The following DGKI variants were observed in gnomAD, a reference collection of about 807,000 sequenced individuals.
The protein encoded by DGKI is DAG kinase iota.
In DGKI, 55 loss-of-function variants were observed where a neutral mutation model predicts 147.5. The ratio of observed to expected loss-of-function variants is 0.37; its 90% CI spans 0.30 to 0.47. The LOEUF (loss-of-function observed/expected upper bound fraction) is 0.47. DGKI is among the 20% of genes least tolerant of loss of function. The probability of loss-of-function intolerance (pLI) is 1.00; values close to 1 mark genes in which losing one functional copy is unlikely to be tolerated. For synonymous variants in DGKI, 469 were observed against 477.1 expected, an observed-to-expected ratio of 0.98 and a Z score of 0.22; for missense variants, 1,007 against 1,323.8, an observed-to-expected ratio of 0.76 and a Z score of 3.71.
Position 137,418,645 on chromosome 7 carries a change from TA to T in DGKI, c.2762-6439del, listed in dbSNP as rs1477723172. On this transcript the variant is annotated intron_variant, in intron 28 of 32. Coordinates refer to ENST00000614521, the MANE Select transcript of DGKI (RefSeq NM_001321708.2). ...AAAAGTTTGATCTTTCATATTCAGT[TA>T]TTTTTTTAGTTTTAAAAATAATATC... 8.6e-4 allele frequency among the ~76,000 whole-genome samples: 107 copies of T among 124,946 alleles called. 2 individuals are homozygous for T. The highest frequency in any genetic ancestry group is 8.5e-5 in the Non-Finnish European group (5 of 58,994). 82.0% of individuals were successfully genotyped at this position (124,946 alleles called of 152,430 possible).
intron 23 of DGKI, among the ~76,000 whole-genome samples, chr7:137,472,368 AATTATTATATGTATATATAC>A (rs1814996268): frequency 1.0e-4 from 2 of 19,074 alleles, no homozygotes; most frequent in South Asian, 2.5e-3. Flanking sequence ...ATATACATAT[AATTATTATATGTATATATAC>A]ATATTATAAT....
chr7:137,817,316 G>A (rs1797769061), intron 1 of DGKI, among the ~76,000 whole-genome samples: 1 of 152,122 alleles, frequency 6.6e-6, no homozygotes, highest in South Asian at 2.1e-4. Flanking sequence ...CACAGTAGGT[G>A]CTTGACACAT....
intron 10 of DGKI, among the ~76,000 whole-genome samples, chr7:137,604,408 T>A (rs1197175806): frequency 6.6e-6 from 1 of 152,172 alleles, no homozygotes; most frequent in Non-Finnish European, 1.5e-5. Context: ...CTGAAGTTAT[T>A]TACTCTTTCT....
At chr7:137,777,710 A>G (rs1429233173) in intron 1 of DGKI, among the ~76,000 whole-genome samples, 1 of 152,198 alleles carries the variant, frequency 6.6e-6, no homozygotes, top group African/African-American at 2.4e-5. Flanking sequence ...GAATTCTTCT[A>G]TTTATATACA....
At chr7:137,415,936 G>A (rs969616744) in intron 28 of DGKI, among the ~76,000 whole-genome samples, 17 of 152,132 alleles carry the variant, frequency 1.1e-4, no homozygotes, top group African/African-American at 4.1e-4. Context: ...GTTGCAGTGA[G>A]CCGAGATCAT....
In DGKI at chr7:137,565,416, C is replaced by A. The variant is rs1818551818; in HGVS notation, c.1947+5759G>T. 2.6e-5 allele frequency among the ~76,000 whole-genome samples: 4 copies of A among 152,168 alleles called. No homozygotes were observed. The South Asian group carries it at 8.3e-4, about 32-fold the overall frequency. On this transcript the variant is annotated intron_variant, in intron 19 of 32. Coordinates refer to ENST00000614521, the MANE Select transcript of DGKI (RefSeq NM_001321708.2). ...TATGTATATTATCAAAATAAGCATACATTTAATATTACCTTTTTCTTAAAA... is the reference window on the plus strand; with the variant it reads ...TATGTATATTATCAAAATAAGCATAAATTTAATATTACCTTTTTCTTAAAA...
chr7:137,424,184 G>A (rs1812689083), intron 28 of DGKI, among the ~76,000 whole-genome samples: 1 of 152,148 alleles, frequency 6.6e-6, no homozygotes, highest in Admixed American at 6.5e-5. Context: ...GCAACATTAT[G>A]CCTTAGAAGA....
intron 17 of DGKI, 58 bp downstream of exon 17, chr7:137,577,164 T>G: frequency 7.9e-7 from 1 of 1,271,450 alleles, no homozygotes; most frequent in Non-Finnish European, 1.1e-6. Flanking sequence ...TATTTGGGAG[T>G]TTTTTGTGGC....
intron 1 of DGKI, among the ~76,000 whole-genome samples, chr7:137,839,275 G>T (rs532652167): frequency 1.3e-5 from 2 of 152,160 alleles, no homozygotes; most frequent in Non-Finnish European, 2.9e-5. Flanking sequence ...AGTTATGAAA[G>T]AAAAAGTACA....
intron 1 of DGKI, among the ~76,000 whole-genome samples, chr7:137,820,537 C>T (rs928442703): frequency 1.3e-4 from 20 of 152,220 alleles, no homozygotes; most frequent in Admixed American, 5.2e-4. Context: ...CCATGTAAAA[C>T]AGGCGGGCAA....
chr7:137,722,690 CAGAAAAAG>C (rs1301269392), intron 1 of DGKI: 1 of 1,574,324 alleles, frequency 6.4e-7, no homozygotes, highest in Non-Finnish European at 8.7e-7. Flanking sequence ...ATCTTCGACA[CAGAAAAAG>C]AGAAATATGA....
At position 137,685,028 on chromosome 7, in the gene DGKI, G is replaced by A. The variant is rs187579957; in HGVS notation, c.510+4866C>T. ...TAAGATGACCTAGTTTCATAACCCA[G>A]TTTAAACCAATCCCACATGAAGACT... On this transcript the variant is annotated intron_variant, in intron 2 of 32. Transcript: ENST00000614521. 2.9e-3 allele frequency among the ~76,000 whole-genome samples: 436 copies of A among 152,278 alleles called. 2 individuals are homozygous for A. Among genetic ancestry groups the A allele is most frequent in the Admixed American group, 6.1e-3 (93 of 15,300 alleles).
intron 27 of DGKI, among the ~76,000 whole-genome samples, chr7:137,445,632 A>C (rs1251417792): frequency 6.6e-6 from 1 of 152,198 alleles, no homozygotes; most frequent in African/African-American, 2.4e-5. Flanking sequence ...AATTGAATTA[A>C]TCTCAGTTCC....
intron 32 of DGKI, among the ~76,000 whole-genome samples, chr7:137,393,171 A>G (rs1451835436): frequency 1.3e-5 from 2 of 152,154 alleles, no homozygotes; most frequent in Non-Finnish European, 2.9e-5. Flanking sequence ...ATATCTTCCT[A>G]CATTACTAGT....
At chr7:137,780,863 T>G (rs1796497975) in intron 1 of DGKI, among the ~76,000 whole-genome samples, 1 of 152,226 alleles carries the variant, frequency 6.6e-6, no homozygotes. Context: ...TATTGATGTG[T>G]TGAGAGTCCA....
chr7:137,743,989 G>GAAAA lies in DGKI; in HGVS notation c.402-53991_402-53988dup, dbSNP rs59924694. Reference sequence around the variant, plus strand: ...CAGAGTGAGACTCCATCTCAAAAAAGAAAAAAAAAAAAAACTAATCCCAAA... The same window carrying GAAAA: ...CAGAGTGAGACTCCATCTCAAAAAAGAAAAAAAAAAAAAAAAAACTAATCCCAAA... On this transcript the variant is annotated intron_variant, in intron 1 of 32. Transcript: ENST00000614521. 2.1e-3 allele frequency among the ~76,000 whole-genome samples: 262 copies of GAAAA among 125,050 alleles called. 2 individuals carry two copies. Among genetic ancestry groups the GAAAA allele is most frequent in the African/African-American group, 6.7e-3 (246 of 36,704 alleles). The allele number at this position is 125,050 out of a possible 152,430, so 82.0% of individuals were successfully genotyped here.
intron 3 of DGKI, among the ~76,000 whole-genome samples, chr7:137,660,175 G>A (rs1412765724): frequency 6.6e-6 from 1 of 152,124 alleles, no homozygotes; most frequent in Admixed American, 6.5e-5. Context: ...TGATTTTGCT[G>A]GTGTTGGTAT....
chr7:137,825,381 A>G (rs115549670), intron 1 of DGKI, among the ~76,000 whole-genome samples: 1,596 of 152,252 alleles, frequency 0.01, 24 homozygotes, highest in African/African-American at 0.035. Flanking sequence ...GACGGCATAC[A>G]TGTGATGAAG....
At position 137,720,617 on chromosome 7, in the gene DGKI, T is replaced by C. The variant is rs183813575; in HGVS notation, c.402-30615A>G. Among the ~76,000 whole-genome samples, 582 of 152,262 alleles carry C rather than the reference T, an allele frequency of 3.8e-3. 3 individuals carry two copies. Among genetic ancestry groups the C allele is most frequent in the African/African-American group, 0.013 (555 of 41,544 alleles). On this transcript the variant is annotated intron_variant, in intron 1 of 32. Coordinates refer to ENST00000614521, the MANE Select transcript of DGKI (RefSeq NM_001321708.2). ...GTGGGATTTTTGGTAATATCCCCCA[T>C]ACACTATTTCAAAGCCCCATATTTA...
Sources: allele counts gnomAD v4.1 joint callset (sites outside exome capture counted in the v4.1 genomes callset), GRCh38; gene constraint gnomAD v4.1.1; transcripts MANE v1.5; gene names NCBI Gene and HGNC (gene_info 2026-07-23, HGNC 2026-07-21).